Variants in BNIP2 observed in about 807,000 individuals in gnomAD.
BNIP2 encodes BCL2 interacting protein 2.
BNIP2 carries 36 observed loss-of-function variants against 43.4 expected under a neutral mutation model. That is an observed-to-expected ratio of 0.83 (90% CI 0.64 to 1.10). The LOEUF (loss-of-function observed/expected upper bound fraction) is 1.10, where lower values mean the gene tolerates loss of function less well. Ranked by LOEUF, BNIP2 falls within the 50% of genes least tolerant of loss-of-function variation. The probability of loss-of-function intolerance (pLI) is 0.00; values close to 1 mark genes in which losing one functional copy is unlikely to be tolerated. For synonymous variants in BNIP2, 146 were observed against 121.0 expected, an observed-to-expected ratio of 1.21 and a Z score of -1.35; for missense variants, 417 against 374.1, an observed-to-expected ratio of 1.11 and a Z score of -0.95.
intron 1 of BNIP2, among the ~76,000 whole-genome samples, chr15:59,685,368 G>A (rs931042058): frequency 1.3e-5 from 2 of 152,144 alleles, no homozygotes; most frequent in East Asian, 3.8e-4. Context: ...AGGCGTGGTG[G>A]CGCCTGCCTG....
At chr15:59,664,726 G>C (rs990770605) in intron 9 of BNIP2, among the ~76,000 whole-genome samples, 18 of 152,092 alleles carry the variant, frequency 1.2e-4, no homozygotes, top group Admixed American at 4.6e-4. Context: ...TTAAAATCTT[G>C]ACCTGTAACT....
chr15:59,679,774 A>C lies in BNIP2; in HGVS notation c.119-6T>G, dbSNP rs762637517. Reference sequence around the variant, plus strand: ...TCCATTAACTTCTAGTGAGCCTGGAATTGGAAAATAAAGAAAAAGATACGT... The same window carrying C: ...TCCATTAACTTCTAGTGAGCCTGGACTTGGAAAATAAAGAAAAAGATACGT... On this transcript the variant is annotated splice_region_variant and splice_polypyrimidine_tract_variant and intron_variant, in intron 3 of 9. Transcript: ENST00000607373. 8 of 1,466,826 alleles carry C rather than the reference A, an allele frequency of 5.5e-6. No homozygotes were observed. Among genetic ancestry groups the C allele is most frequent in the Non-Finnish European group, 7.2e-6 (8 of 1,111,126 alleles). 90.9% of individuals were successfully genotyped at this position (1,466,826 alleles called of 1,614,324 possible). A position where few individuals can be genotyped will look rare whatever the true frequency, so the allele number is the denominator to read the frequency against.
chr15:59,677,314 G>A (rs1276160653), intron 5 of BNIP2: 72 of 1,571,328 alleles, frequency 4.6e-5, no homozygotes, highest in Non-Finnish European at 5.5e-5. Flanking sequence ...ACATCAACAA[G>A]CCCATGAGCC....
At chr15:59,670,738 GAAAT>G (rs1322887315) in intron 7 of BNIP2, among the ~76,000 whole-genome samples, 41 of 152,200 alleles carry the variant, frequency 2.7e-4, no homozygotes, top group African/African-American at 8.4e-4. Flanking sequence ...AACCTGCCAT[GAAAT>G]AAATAAATAA....
At chr15:59,675,862 G>C (rs1357309931) in intron 5 of BNIP2, among the ~76,000 whole-genome samples, 2 of 152,202 alleles carry the variant, frequency 1.3e-5, no homozygotes, top group Non-Finnish European at 2.9e-5. Context: ...AAACAAAAGA[G>C]TGCATAGGAT....
At chr15:59,677,244 C>T in intron 5 of BNIP2, 1 of 1,595,940 alleles carries the variant, frequency 6.3e-7, no homozygotes, top group Non-Finnish European at 8.6e-7. Context: ...CAAGCCCCGG[C>T]TGGACTGCTT....
chr15:59,681,626 T>C (rs1404761249), intron 2 of BNIP2, among the ~76,000 whole-genome samples: 1 of 152,080 alleles, frequency 6.6e-6, no homozygotes, highest in Non-Finnish European at 1.5e-5. Flanking sequence ...TTTGTATTTT[T>C]AGTAGAGACG....
At chr15:59,672,820 A>G in intron 5 of BNIP2, 81 bp from the exon 6 acceptor site, 1 of 956,096 alleles carries the variant, frequency 1.0e-6, no homozygotes, top group South Asian at 1.6e-5. Context: ...TGATTAGTAA[A>G]TTATAAATAA....
Position 59,689,312 on chromosome 15 carries a change from G to T in BNIP2, c.-235C>A, listed in dbSNP as rs3087330. The stretch of plus-strand genomic sequence containing the variant: ...CGGCGTCGGCGGCAGCAGCTGACCC[G>T]GACACAGTGAGAAGCCCCGGCGGAA... On this transcript the variant is annotated 5_prime_UTR_variant, in exon 1 of 10. Coordinates refer to ENST00000607373, the MANE Select transcript of BNIP2 (RefSeq NM_004330.4). 1 of 1,547,432 alleles carries T rather than the reference G, an allele frequency of 6.5e-7. No homozygotes were observed. Among genetic ancestry groups the T allele is most frequent in the Non-Finnish European group, 8.7e-7 (1 of 1,145,902 alleles).
At chr15:59,684,740 G>A (rs1595708833) in intron 1 of BNIP2, among the ~76,000 whole-genome samples, 1 of 152,002 alleles carries the variant, frequency 6.6e-6, no homozygotes, top group Non-Finnish European at 1.5e-5. Context: ...TTATCTTGTC[G>A]TACCTTTTTA....
intron 1 of BNIP2, among the ~76,000 whole-genome samples, chr15:59,684,343 CAAT>C (rs1459853992): frequency 6.6e-6 from 1 of 152,114 alleles, no homozygotes; most frequent in African/African-American, 2.4e-5. Context: ...TCTGGGAAAA[CAAT>C]GATCTAGGCA....
At chr15:59,676,657 C>A in intron 5 of BNIP2, 1 of 592,786 alleles carries the variant, frequency 1.7e-6, no homozygotes, top group Non-Finnish European at 3.0e-6. Context: ...GGCAGAGTTT[C>A]TAAAAGTATT....
Position 59,669,371 on chromosome 15 carries a change from T to TAA in BNIP2, c.708-11_708-10dup, listed in dbSNP as rs143193624. On this transcript the variant is annotated splice_polypyrimidine_tract_variant and intron_variant, in intron 7 of 9. Transcript: ENST00000607373. Reference sequence around the variant, plus strand: ...TTAGATTTTTCCGTAACCTGGAGTTTAAAAAAAAAACACACACACACAAAG... The same window carrying TAA: ...TTAGATTTTTCCGTAACCTGGAGTTTAAAAAAAAAAAACACACACACACAAAG... 18 of 1,390,514 alleles carry TAA rather than the reference T, an allele frequency of 1.3e-5. No individual in the cohort carries two copies. The highest frequency in any genetic ancestry group is 9.2e-5 in the South Asian group (6 of 64,892). 86.1% of individuals were successfully genotyped at this position (1,390,514 alleles called of 1,614,324 possible). A position where few individuals can be genotyped will look rare whatever the true frequency, so the allele number is the denominator to read the frequency against.
In BNIP2 at chr15:59,689,245, C is replaced by G; in HGVS notation, c.-168G>C. The G allele has an allele frequency of 6.5e-7, 1 of 1,543,046 alleles. No homozygotes were observed. Among genetic ancestry groups the G allele is most frequent in the Non-Finnish European group, 8.7e-7 (1 of 1,146,182 alleles). On this transcript the variant is annotated 5_prime_UTR_variant, in exon 1 of 10. Transcript: ENST00000607373. ...CCGAGCGGAGCCCGCTCCCCTCGGT[C>G]GGCGGTGGAGACCCCGGCCCAATCC...
At chr15:59,679,509 G>C (rs891212761) in intron 4 of BNIP2, 83 bp downstream of exon 4, 15 of 1,384,520 alleles carry the variant, frequency 1.1e-5, no homozygotes, top group Non-Finnish European at 1.4e-5. Context: ...ACAAATATAT[G>C]AACTTTAGAA....
intron 4 of BNIP2, chr15:59,678,359 AATTTG>A: frequency 3.5e-6 from 4 of 1,159,026 alleles, no homozygotes; most frequent in Non-Finnish European, 4.3e-6. Flanking sequence ...CAGAAAATAT[AATTTG>A]TAGAGTCATC....
At chr15:59,675,960 T>C (rs900891640) in intron 5 of BNIP2, among the ~76,000 whole-genome samples, 2 of 152,236 alleles carry the variant, frequency 1.3e-5, no homozygotes, top group African/African-American at 4.8e-5. Flanking sequence ...TGAGTATTCA[T>C]TGCACAGGGG....
At chr15:59,679,042 TG>T (rs1197346838) in intron 4 of BNIP2, among the ~76,000 whole-genome samples, 7 of 152,146 alleles carry the variant, frequency 4.6e-5, no homozygotes, top group African/African-American at 7.2e-5. Context: ...ATTTTCAAGA[TG>T]GAAAAAAATA....
intron 9 of BNIP2, 75 bp downstream of exon 9, chr15:59,668,817 G>A (rs1475289139): frequency 1.7e-6 from 2 of 1,209,846 alleles, no homozygotes; most frequent in African/African-American, 3.1e-5. Context: ...TAAAGAATGA[G>A]TATTGAAAAG....
Sources: gnomAD v4.1 joint callset for allele counts (sites outside exome capture counted in the v4.1 genomes callset) on GRCh38, gnomAD v4.1.1 for gene constraint, MANE v1.5 for transcripts, NCBI Gene and HGNC (gene_info 2026-07-23, HGNC 2026-07-21) for gene names.